The following RUVBL2 variants were observed in gnomAD, a reference collection of about 807,000 sequenced individuals.
RUVBL2 encodes ruvB-like 2.
Under a neutral mutation model 57.9 loss-of-function variants are expected in RUVBL2, and 9 were observed. That is an observed-to-expected ratio of 0.16 (90% CI 0.09 to 0.27). RUVBL2 has a LOEUF of 0.27. RUVBL2 is among the 10% of genes least tolerant of loss of function. The pLI is 1.00. For missense variants in RUVBL2, 456 were observed against 669.6 expected (o/e 0.68, Z 3.52); for synonymous variants, 278 against 264.6 (o/e 1.05, Z -0.49).
At chr19:49,008,429 A>G (rs893862719) in intron 6 of RUVBL2, among the ~76,000 whole-genome samples, 1 of 149,208 alleles carries the variant, frequency 6.7e-6, no homozygotes, top group African/African-American at 2.4e-5. Flanking sequence ...TTTAGTAGAG[A>G]CGGGGTTTCA....
At position 49,009,787 on chromosome 19, in the gene RUVBL2, G is replaced by C; in HGVS notation, c.474G>C (p.Val158=). Reference sequence around the variant, plus strand: ...GTCCCCACTCTCAGGGCTCCAAGGTGGGCAAACTGACCCTCAAGACCACAG... The same window carrying C: ...GTCCCCACTCTCAGGGCTCCAAGGTCGGCAAACTGACCCTCAAGACCACAG... ...DRPATGTGSK[V]GKLTLKTTEM... Residue 158 remains valine (V), a synonymous_variant, in exon 7 of 15, where the codon GTG becomes GTC. Coordinates refer to ENST00000595090, the MANE Select transcript of RUVBL2 (RefSeq NM_006666.3). The C allele has an allele frequency of 6.2e-7, 1 of 1,613,974 alleles. No individual in the cohort carries two copies. Among genetic ancestry groups the C allele is most frequent in the South Asian group, 1.1e-5 (1 of 91,056 alleles).
chr19:49,005,705 C>T (rs547769826), intron 4 of RUVBL2, among the ~76,000 whole-genome samples: 243 of 150,532 alleles, frequency 1.6e-3, no homozygotes, highest in African/African-American at 5.6e-3. Flanking sequence ...GTGTGATCTT[C>T]GCTCACTGCA....
intron 7 of RUVBL2, 27 bp downstream of exon 7, chr19:49,009,909 A>G (rs764701064): frequency 7.4e-6 from 12 of 1,613,152 alleles, no homozygotes; most frequent in Non-Finnish European, 3.4e-6. Context: ...CATGCCAGGC[A>G]GCCAGGGGGA....
chr19:48,998,242 G>C (rs2122579863), intron 1 of RUVBL2, among the ~76,000 whole-genome samples: 1 of 152,360 alleles, frequency 6.6e-6, no homozygotes. Context: ...AGGGAGAGCA[G>C]TCTGGACTCA....
At chr19:49,015,536 G>A in intron 13 of RUVBL2, 36 bp from the exon 14 acceptor site, 1 of 1,497,986 alleles carries the variant, frequency 6.7e-7, no homozygotes, top group Middle Eastern at 1.7e-4. Flanking sequence ...GCCTCACGGA[G>A]AGGGGCCCAA....
chr19:49,000,235 G>C (rs2039151440), intron 2 of RUVBL2, among the ~76,000 whole-genome samples: 1 of 152,250 alleles, frequency 6.6e-6, no homozygotes, highest in African/African-American at 2.4e-5. Flanking sequence ...TTTTGGGTCT[G>C]TGTGCCAACA....
intron 6 of RUVBL2, among the ~76,000 whole-genome samples, chr19:49,008,246 T>C (rs56354947): frequency 2.0e-5 from 3 of 149,768 alleles, no homozygotes; most frequent in Non-Finnish European, 4.4e-5. Flanking sequence ...TATTTTATTA[T>C]AATTTTTTTT....
At chr19:49,003,394 C>A in intron 3 of RUVBL2, 60 bp downstream of exon 3, 1 of 1,510,192 alleles carries the variant, frequency 6.6e-7, no homozygotes, top group Non-Finnish European at 9.2e-7. Context: ...GTAGTGGGTA[C>A]CCAGGGTCCT....
chr19:49,006,109 C>A (rs1051986161), intron 4 of RUVBL2, among the ~76,000 whole-genome samples: 1 of 152,250 alleles, frequency 6.6e-6, no homozygotes, highest in African/African-American at 2.4e-5. Context: ...CCCTGGTGTC[C>A]CCAGATGGCA....
chr19:48,993,606 A>T (rs1181440035), upstream of RUVBL2: 1 of 539,310 alleles, frequency 1.9e-6, no homozygotes, highest in Non-Finnish European at 3.3e-6. Flanking sequence ...AGCGTGGAGG[A>T]CGTGTGGTTA....
intron 2 of RUVBL2, among the ~76,000 whole-genome samples, chr19:49,001,885 C>T (rs1312398184): frequency 1.3e-5 from 2 of 152,064 alleles, no homozygotes; most frequent in African/African-American, 4.8e-5. Flanking sequence ...GCTGGGATTA[C>T]AGGCGTGAGC....
chr19:49,003,325 G>A lies in RUVBL2; in HGVS notation c.114G>A (p.Glu38=). Residue 38 remains glutamate, a synonymous_variant, in exon 3 of 15, where the codon GAG becomes GAA. Coordinates refer to ENST00000595090, the MANE Select transcript of RUVBL2 (RefSeq NM_006666.3). ...GACTGGGGCTGGACGATGCCTTGGA[G>A]CCTCGGCAGGTAGAGCAGAGGAGGC... ...IRGLGLDDAL[E]PRQASQGMVG... The A allele has an allele frequency of 6.2e-7, 1 of 1,613,976 alleles. No homozygotes were observed. The highest frequency in any genetic ancestry group is 1.1e-5 in the South Asian group (1 of 91,072).
At chr19:48,993,514 A>G, upstream of RUVBL2, 1 of 430,398 alleles carries the variant, frequency 2.3e-6, no homozygotes, top group Admixed American at 3.6e-5. Context: ...CTTTACGGAA[A>G]CGAGTGGCCT....
chr19:49,012,827 G>T (rs1430115692), intron 11 of RUVBL2, among the ~76,000 whole-genome samples: 1 of 141,892 alleles, frequency 7.0e-6, no homozygotes, highest in Non-Finnish European at 1.5e-5. Context: ...ATGGCACACT[G>T]CAGCCTCAGT....
intron 8 of RUVBL2, chr19:49,010,267 G>C (rs891966062): frequency 1.5e-5 from 10 of 685,278 alleles, no homozygotes; most frequent in Non-Finnish European, 2.5e-5. Flanking sequence ...CATGTGGCCT[G>C]TGGCTTCTAA....
rs373693829 is a variant in RUVBL2, at chr19:49,015,625, C to G, written c.1305C>G (p.Asp435Glu). ...AGCGGGTCTACTCACTCTTCCTGGACGAGTCCCGCTCCACGCAGTACATGA... is the reference window on the plus strand; with the variant it reads ...AGCGGGTCTACTCACTCTTCCTGGAGGAGTCCCGCTCCACGCAGTACATGA... ...DIKRVYSLFLDESRSTQYMKE... is the reference protein window; with the variant it reads ...DIKRVYSLFLEESRSTQYMKE... Residue 435 changes from aspartate to glutamate, a missense_variant, in exon 14 of 15, where the codon GAC becomes GAG. Physicochemically the swap from Asp to Glu is conservative, Grantham distance 45 (BLOSUM62 2). Transcript: ENST00000595090. 1.2e-6 allele frequency: 2 copies of G among 1,613,976 alleles called. No individual in the cohort carries two copies. The highest frequency in any genetic ancestry group is 1.7e-6 in the Non-Finnish European group (2 of 1,180,016).
Position 49,009,829 on chromosome 19 carries a change from C to T in RUVBL2, c.516C>T (p.Tyr172=), listed in dbSNP as rs201806329. The change falls in exon 7 of 15, where the codon TAC becomes TAT. Residue 172 remains tyrosine, a synonymous_variant. Coordinates refer to ENST00000595090, the MANE Select transcript of RUVBL2 (RefSeq NM_006666.3). The part of the protein sequence containing the change: ...TLKTTEMETI[Y]DLGTKMIESL... The stretch of plus-strand genomic sequence containing the variant: ...AGACCACAGAGATGGAGACCATCTA[C>T]GACCTGGGCACCAAGATGATTGAGT... 1.5e-4 allele frequency: 241 copies of T among 1,614,092 alleles called. No homozygotes were observed. In the African/African-American group the frequency reaches 2.0e-3, roughly 13 times the overall value.
chr19:49,013,829 G>A (rs1029453740), intron 11 of RUVBL2, among the ~76,000 whole-genome samples: 5 of 152,334 alleles, frequency 3.3e-5, no homozygotes, highest in African/African-American at 7.2e-5. Flanking sequence ...CAGGAGGATC[G>A]GTTGAACCCG....
intron 11 of RUVBL2, among the ~76,000 whole-genome samples, chr19:49,013,857 T>A (rs974333037): frequency 6.6e-6 from 1 of 152,238 alleles, no homozygotes; most frequent in Non-Finnish European, 1.5e-5. Context: ...GAGGTTGCAG[T>A]GAGCCGAGAT....
Sources: gnomAD v4.1 joint callset for allele counts (sites outside exome capture counted in the v4.1 genomes callset) on GRCh38, gnomAD v4.1.1 for gene constraint, MANE v1.5 for transcripts, NCBI Gene and HGNC (gene_info 2026-07-23, HGNC 2026-07-21) for gene names.